Variants in CSNK1A1 observed in about 807,000 individuals in gnomAD.
CSNK1A1 encodes casein kinase I isoform alpha.
In CSNK1A1, 7 loss-of-function variants were observed where a neutral mutation model predicts 46.1. That is an observed-to-expected ratio of 0.15 (90% CI 0.09 to 0.29). The LOEUF is 0.29. Among genes scored for constraint, CSNK1A1 ranks in the 10% least tolerant of loss-of-function variants. CSNK1A1 has a pLI of 1.00. For synonymous variants in CSNK1A1, 137 were observed against 141.5 expected (o/e 0.97, Z 0.23); for missense variants, 96 against 417.1 (o/e 0.23, Z 6.71).
rs1298513628 is a variant in CSNK1A1, at chr5:149,495,544, TCA to T, written c.*1307_*1308del. The stretch of plus-strand genomic sequence containing the variant: ...GGGGAGGGTCAACAATCACTGAACC[TCA>T]CACAGTGTGATGCTCTCCAAGGGTG... On this transcript the variant is annotated 3_prime_UTR_variant, in exon 10 of 10. Coordinates refer to ENST00000377843, the MANE Select transcript of CSNK1A1 (RefSeq NM_001892.6). 6.6e-6 allele frequency: 1 copy of T among 152,086 alleles called. No individual in the cohort carries two copies. The highest frequency in any genetic ancestry group is 1.5e-5 in the Non-Finnish European group (1 of 68,016). 9.4% of individuals were successfully genotyped at this position (152,086 alleles called of 1,614,324 possible). A position where few individuals can be genotyped will look rare whatever the true frequency, so the allele number is the denominator to read the frequency against.
intron 2 of CSNK1A1, among the ~76,000 whole-genome samples, chr5:149,540,933 A>G (rs1762209195): frequency 6.6e-6 from 1 of 151,734 alleles, no homozygotes; most frequent in African/African-American, 2.4e-5. Context: ...AAAAAAAATT[A>G]GCCGGGTATG....
Position 149,496,082 on chromosome 5 carries a change from A to G in CSNK1A1, c.*771T>C, listed in dbSNP as rs943248076. On this transcript the variant is annotated 3_prime_UTR_variant, in exon 10 of 10. Transcript: ENST00000377843. ...CCAGATCATATAGATGTTTACAGTG[A>G]TTACATTTATCTAAGCAACATACAT... is the stretch of plus-strand genomic sequence containing the variant. 3 of 152,662 alleles carry G rather than the reference A, an allele frequency of 2.0e-5. No individual in the cohort carries two copies. Among genetic ancestry groups the G allele is most frequent in the African/African-American group, 7.2e-5 (3 of 41,458 alleles). 9.5% of individuals were successfully genotyped at this position (152,662 alleles called of 1,614,324 possible). A position where few individuals can be genotyped will look rare whatever the true frequency, so the allele number is the denominator to read the frequency against.
intron 2 of CSNK1A1, among the ~76,000 whole-genome samples, chr5:149,535,004 T>C (rs539478328): frequency 6.6e-6 from 1 of 152,194 alleles, no homozygotes; most frequent in South Asian, 2.1e-4. Flanking sequence ...CTTTCAATTC[T>C]ATATACTTAA....
intron 9 of CSNK1A1, among the ~76,000 whole-genome samples, chr5:149,499,967 C>CTTTTTTTTTTT (rs1162496799): frequency 3.7e-4 from 29 of 77,692 alleles, no homozygotes; most frequent in African/African-American, 8.1e-4. Flanking sequence ...TTCTTTTTTT[C>CTTTTTTTTTTT]TTTTTTTTTT....
chr5:149,534,595 T>C (rs7730207), intron 2 of CSNK1A1, among the ~76,000 whole-genome samples: 3,930 of 151,862 alleles, frequency 0.026, 168 homozygotes, highest in African/African-American at 0.091. Flanking sequence ...TTCTCCTAGT[T>C]CCAGTTACCC....
In CSNK1A1 at chr5:149,550,116, G is replaced by A. The variant is rs1347295726; in HGVS notation, c.189C>T (p.Leu63=). 3.1e-6 allele frequency: 5 copies of A among 1,613,902 alleles called. No homozygotes were observed. Among genetic ancestry groups the A allele is most frequent in the African/African-American group, 2.7e-5 (2 of 74,908 alleles). Residue 63 remains leucine, a synonymous_variant, in exon 2 of 10, where the codon CTC becomes CTT. Coordinates refer to ENST00000377843, the MANE Select transcript of CSNK1A1 (RefSeq NM_001892.6). The surrounding 1 kb of genome is among the most constrained non-coding windows in gnomAD (Gnocchi z 4.3). ...RHPQLLYESK[L]YKILQGGVGI... ...CAACCCCACCTTGAAGAATCTTATA[G>A]AGCTTGCTCTCGTACAGCAACTGGG...
In CSNK1A1 at chr5:149,496,691, C is replaced by G. The variant is rs372948292; in HGVS notation, c.*162G>C. 75 of 860,834 alleles carry G rather than the reference C, an allele frequency of 8.7e-5. 2 individuals carry two copies. The highest frequency in any genetic ancestry group is 5.6e-4 in the East Asian group (20 of 35,822). The allele number at this position is 860,834 out of a possible 1,614,324, so 53.3% of individuals were successfully genotyped here. A position where few individuals can be genotyped will look rare whatever the true frequency, so the allele number is the denominator to read the frequency against. ...AACTCAGGATACAGCATCACCAATG[C>G]TGCCCAGAGTCAGTTTATACTGAAA... On this transcript the variant is annotated 3_prime_UTR_variant, in exon 10 of 10. Transcript: ENST00000377843.
rs543524338 is a variant in CSNK1A1 at position 149,498,091 on chromosome 5, C to T, written c.1007-1231G>A. 1.7e-5 allele frequency: 17 copies of T among 980,906 alleles called. No individual in the cohort carries two copies. In the South Asian group the frequency reaches 8.0e-4, roughly 46 times the overall value. 60.8% of individuals were successfully genotyped at this position (980,906 alleles called of 1,614,324 possible). A position where few individuals can be genotyped will look rare whatever the true frequency, so the allele number is the denominator to read the frequency against. On this transcript the variant is annotated intron_variant, in intron 9 of 9. Coordinates refer to ENST00000377843, the MANE Select transcript of CSNK1A1 (RefSeq NM_001892.6). ...TCGTGATCCACCCGCCATGGCCTCC[C>T]AAAGTGTGGGGGTTACAGGTGGGAG...
At chr5:149,513,663 G>A (rs1174773187) in intron 4 of CSNK1A1, among the ~76,000 whole-genome samples, 3 of 152,168 alleles carry the variant, frequency 2.0e-5, no homozygotes, top group Non-Finnish European at 2.9e-5. Context: ...ACTTTGGGAG[G>A]CTGAGGCAGG....
intron 2 of CSNK1A1, among the ~76,000 whole-genome samples, chr5:149,542,655 TA>T (rs1561772695): frequency 0.013 from 114 of 9,118 alleles, 24 homozygotes; most frequent in African/African-American, 0.064. Flanking sequence ...TATATATATA[TA>T]TATATATATA....
At chr5:149,542,683 TATATATA>T (rs1309068160) in intron 2 of CSNK1A1, among the ~76,000 whole-genome samples, 2 of 18,702 alleles carry the variant, frequency 1.1e-4, no homozygotes, top group African/African-American at 4.3e-4. Context: ...TATATATATA[TATATATA>T]TATTTTTTTT....
chr5:149,503,830 TC>T, intron 9 of CSNK1A1: 1 of 985,400 alleles, frequency 1.0e-6, no homozygotes, highest in Non-Finnish European at 1.2e-6. Flanking sequence ...AGTAAAATGT[TC>T]TAGGTCAGAA....
chr5:149,527,272 C>T (rs565731737), intron 2 of CSNK1A1, among the ~76,000 whole-genome samples: 35 of 152,082 alleles, frequency 2.3e-4, no homozygotes, highest in African/African-American at 8.4e-4. Flanking sequence ...GGATTATAGG[C>T]GCCTGCCACC....
intron 2 of CSNK1A1, among the ~76,000 whole-genome samples, chr5:149,541,970 C>CAAAAAAAA (rs1171466150): frequency 7.5e-5 from 3 of 40,038 alleles, no homozygotes; most frequent in Non-Finnish European, 9.8e-5. Flanking sequence ...GACTGCATCT[C>CAAAAAAAA]AAAAAAAAAA....
chr5:149,551,037 C>T lies in CSNK1A1; in HGVS notation c.-73G>A, dbSNP rs914063067. The T allele has an allele frequency of 1.3e-6, 2 of 1,560,198 alleles. No individual in the cohort carries two copies. Among genetic ancestry groups the T allele is most frequent in the Non-Finnish European group, 1.8e-6 (2 of 1,140,368 alleles). On this transcript the variant is annotated 5_prime_UTR_variant, in exon 1 of 10. Coordinates refer to ENST00000377843, the MANE Select transcript of CSNK1A1 (RefSeq NM_001892.6). ...GAAGAGGACGGAGGCCTCGGGGCTC[C>T]TACACTAGGCAAGGCTACGGAGGAG... is the stretch of plus-strand genomic sequence containing the variant.
intron 3 of CSNK1A1, among the ~76,000 whole-genome samples, chr5:149,522,499 T>C (rs989645435): frequency 6.6e-6 from 1 of 152,250 alleles, no homozygotes; most frequent in Non-Finnish European, 1.5e-5. Context: ...TTTCTGTCCA[T>C]ATGTTCTTGC....
chr5:149,495,519 G>A lies in CSNK1A1; in HGVS notation c.*1334C>T, dbSNP rs1367919100. On this transcript the variant is annotated 3_prime_UTR_variant, in exon 10 of 10. Transcript: ENST00000377843. ...ATAACTTAAAGAAGCAGGAGGGGCT[G>A]GGGAGGGTCAACAATCACTGAACCT... 1.3e-5 allele frequency: 2 copies of A among 152,194 alleles called. No individual in the cohort carries two copies. Among genetic ancestry groups the A allele is most frequent in the Non-Finnish European group, 2.9e-5 (2 of 68,054 alleles). The allele number at this position is 152,194 out of a possible 1,614,324, so 9.4% of individuals were successfully genotyped here.
intron 9 of CSNK1A1, chr5:149,502,250 T>C: frequency 1.1e-6 from 1 of 947,840 alleles, no homozygotes; most frequent in Non-Finnish European, 1.3e-6. Flanking sequence ...ATTAGAGATT[T>C]ACTTGCTTAA....
chr5:149,505,332 C>T, intron 9 of CSNK1A1, 115 bp downstream of exon 9: 1 of 1,440,440 alleles, frequency 6.9e-7, no homozygotes, highest in Non-Finnish European at 9.1e-7. Context: ...TAACGCAGAG[C>T]CAAATTTTTA....
Sources: allele counts gnomAD v4.1 joint callset (sites outside exome capture counted in the v4.1 genomes callset), GRCh38; gene constraint gnomAD v4.1.1; non-coding constraint Gnocchi (gnomAD v3.1); transcripts MANE v1.5; gene names NCBI Gene and HGNC (gene_info 2026-07-23, HGNC 2026-07-21).